The following NACC2 variants were observed in gnomAD, a reference collection of about 807,000 sequenced individuals.
NACC2 encodes NACC family member 2, also known as nucleus accumbens-associated protein 2.
A neutral mutation model predicts 25.1 loss-of-function variants in NACC2; 8 were observed. The observed-to-expected ratio is 0.32, with a 90% CI of 0.19 to 0.57. NACC2 has a LOEUF of 0.57. Among genes scored for constraint, NACC2 ranks in the 20% least tolerant of loss-of-function variants. NACC2 has a pLI of 0.89. For synonymous variants in NACC2, 435 were observed against 294.7 expected (o/e 1.48, Z -4.88); for missense variants, 644 against 650.2 (o/e 0.99, Z 0.10).
intron 1 of NACC2, among the ~76,000 whole-genome samples, chr9:136,081,971 G>T (rs1405984376): frequency 6.6e-6 from 1 of 152,200 alleles, no homozygotes; most frequent in East Asian, 1.9e-4. Flanking sequence ...GATCAGGGTG[G>T]AGCTGACGCG....
rs374063401 is a variant in NACC2 at position 136,015,667 on chromosome 9, A to G, written c.1051+598T>C. ...AGGGCCCAAGCTTGGGGCTTCCTGG[A>G]AAACCGGGAAGAAATCCCCAGAAAA... is the stretch of plus-strand genomic sequence containing the variant. On this transcript the variant is annotated intron_variant, in intron 3 of 5. Coordinates refer to ENST00000277554, the MANE Select transcript of NACC2 (RefSeq NM_144653.5). Among the ~76,000 whole-genome samples the G allele has an allele frequency of 3.8e-3, 580 of 152,352 alleles. 9 individuals carry two copies. The highest frequency in any genetic ancestry group is 0.024 in the Middle Eastern group (7 of 294).
chr9:136,092,306 G>A (rs1830441487), intron 1 of NACC2, among the ~76,000 whole-genome samples: 1 of 151,456 alleles, frequency 6.6e-6, no homozygotes, highest in Non-Finnish European at 1.5e-5. Flanking sequence ...ACCGGAGATG[G>A]GGTGAGAGGC....
At position 136,020,058 on chromosome 9, in the gene NACC2, G is replaced by A. The variant is rs554145554; in HGVS notation, c.887-3629C>T. 2.0e-5 allele frequency among the ~76,000 whole-genome samples: 3 copies of A among 152,176 alleles called. No homozygotes were observed. The highest frequency in any genetic ancestry group is 4.1e-4 in the South Asian group (2 of 4,834). On this transcript the variant is annotated intron_variant, in intron 2 of 5. Transcript: ENST00000277554. The surrounding 1 kb of genome is among the most constrained non-coding windows in gnomAD (Gnocchi z 4.7). ...GAGGTTCATCTGGGGAAGATGGGAA[G>A]TTCTGGAGCCGATGGCAGTGATGCT... is the stretch of plus-strand genomic sequence containing the variant.
intron 1 of NACC2, among the ~76,000 whole-genome samples, chr9:136,056,545 G>A (rs891829416): frequency 2.2e-4 from 34 of 152,316 alleles, no homozygotes; most frequent in African/African-American, 7.7e-4. Flanking sequence ...AACAGACCCC[G>A]GGTAGCTACG....
At position 136,013,374 on chromosome 9, in the gene NACC2, C is replaced by A; in HGVS notation, c.1158-78G>T. The A allele has an allele frequency of 7.3e-7, 1 of 1,363,134 alleles. No individual in the cohort carries two copies. The highest frequency in any genetic ancestry group is 1.3e-5 in the South Asian group (1 of 79,598). The allele number at this position is 1,363,134 out of a possible 1,614,324, so 84.4% of individuals were successfully genotyped here. Reference sequence around the variant, plus strand: ...TGGAGGCGACCCGCCCGCACGAATGCCCTGCTGGGAGGCCACTTGGCCTCA... The same window carrying A: ...TGGAGGCGACCCGCCCGCACGAATGACCTGCTGGGAGGCCACTTGGCCTCA... On this transcript the variant is annotated intron_variant, in intron 4 of 5. Coordinates refer to ENST00000277554, the MANE Select transcript of NACC2 (RefSeq NM_144653.5). This position sits in a 1 kb window ranked among gnomAD's most constrained non-coding sequence, Gnocchi z 6.6.
intron 1 of NACC2, among the ~76,000 whole-genome samples, chr9:136,080,270 T>C (rs1293085320): frequency 6.6e-6 from 1 of 152,174 alleles, no homozygotes; most frequent in Non-Finnish European, 1.5e-5. Context: ...CACCCATCTC[T>C]GTGCTCTCCT....
chr9:136,046,547 C>G (rs1222779326), intron 2 of NACC2, among the ~76,000 whole-genome samples: 17 of 152,174 alleles, frequency 1.1e-4, no homozygotes, highest in African/African-American at 3.9e-4. Flanking sequence ...CTGAGCGTCC[C>G]GAGCCAGCGT....
intron 1 of NACC2, among the ~76,000 whole-genome samples, chr9:136,067,115 G>A (rs554284412): frequency 3.3e-5 from 5 of 152,196 alleles, no homozygotes; most frequent in South Asian, 2.1e-4. Context: ...TTAGCCAGGC[G>A]TGGTGGTTCA....
At chr9:136,045,923 C>T (rs1248997745) in intron 2 of NACC2, among the ~76,000 whole-genome samples, 1 of 152,154 alleles carries the variant, frequency 6.6e-6, no homozygotes, top group Non-Finnish European at 1.5e-5. Context: ...GCGCTGCCCA[C>T]CCGGCCGGCT....
intron 1 of NACC2, among the ~76,000 whole-genome samples, chr9:136,069,953 C>T (rs954026239): frequency 5.3e-5 from 8 of 151,902 alleles, no homozygotes; most frequent in Non-Finnish European, 1.2e-4. Flanking sequence ...TCAGCAGGAT[C>T]TAACTGACAT....
chr9:136,074,076 C>G (rs1830229124), intron 1 of NACC2, among the ~76,000 whole-genome samples: 1 of 151,556 alleles, frequency 6.6e-6, no homozygotes, highest in African/African-American at 2.4e-5. Context: ...GAGGCTGAAG[C>G]AGAAGGATCA....
intron 2 of NACC2, among the ~76,000 whole-genome samples, chr9:136,045,827 T>C (rs1431857401): frequency 6.6e-6 from 1 of 152,142 alleles, no homozygotes; most frequent in Non-Finnish European, 1.5e-5. Flanking sequence ...TGCAGGGACC[T>C]GTGGATCCAG....
At chr9:136,080,370 C>T (rs1042406924) in intron 1 of NACC2, among the ~76,000 whole-genome samples, 1 of 152,204 alleles carries the variant, frequency 6.6e-6, no homozygotes, top group East Asian at 1.9e-4. Flanking sequence ...GAAAATCCGC[C>T]CAGCAGCCCA....
chr9:136,074,289 T>C (rs1830232414), intron 1 of NACC2, among the ~76,000 whole-genome samples: 1 of 145,826 alleles, frequency 6.9e-6, no homozygotes, highest in Admixed American at 6.9e-5. Flanking sequence ...TCTCTACTAA[T>C]AAAATACAAA....
At position 136,026,168 on chromosome 9, in the gene NACC2, C is replaced by T. The variant is rs555391715; in HGVS notation, c.887-9739G>A. Among the ~76,000 whole-genome samples, 7 of 151,364 alleles carry T rather than the reference C, an allele frequency of 4.6e-5. No individual in the cohort carries two copies. In the East Asian group the frequency reaches 5.8e-4, roughly 13 times the overall value. On this transcript the variant is annotated intron_variant, in intron 2 of 5. Transcript: ENST00000277554. The stretch of plus-strand genomic sequence containing the variant: ...CAGCTTGGCTAACATGGCAAAACTC[C>T]GTCTCTACTAAAAATACAAAAAATT...
intron 1 of NACC2, among the ~76,000 whole-genome samples, chr9:136,062,114 A>AGACAGGACAGGACAGGGCGAGACAG (rs1841019389): frequency 1.4e-5 from 2 of 142,450 alleles, no homozygotes; most frequent in African/African-American, 5.4e-5. Flanking sequence ...CAACAGAGCG[A>AGACAGGACAGGACAGGGCGAGACAG]GACAGGACAG....
chr9:136,092,998 G>A (rs1830448416), intron 1 of NACC2, among the ~76,000 whole-genome samples: 3 of 152,192 alleles, frequency 2.0e-5, no homozygotes, highest in African/African-American at 7.2e-5. Context: ...AGGAACATGG[G>A]CTCTGCCCCA....
In NACC2 at chr9:136,023,067, AGAGGGAGGGAG is replaced by A. The variant is rs1479574633; in HGVS notation, c.887-6649_887-6639del. ...GAGGGAAGGAGGGAGGAAGGAGGGA[AGAGGGAGGGAG>A]GAGGGAGGGAAGGAGGGAAGAGGGA... On this transcript the variant is annotated intron_variant, in intron 2 of 5. Coordinates refer to ENST00000277554, the MANE Select transcript of NACC2 (RefSeq NM_144653.5). Among the ~76,000 whole-genome samples, 4 of 1,624 alleles carry A rather than the reference AGAGGGAGGGAG, an allele frequency of 2.5e-3. No individual in the cohort carries two copies. In the Admixed American group the frequency reaches 0.032, roughly 13 times the overall value. 1.1% of individuals were successfully genotyped at this position (1,624 alleles called of 152,430 possible). A position where few individuals can be genotyped will look rare whatever the true frequency, so the allele number is the denominator to read the frequency against.
rs758564791 is a variant in NACC2 at position 136,011,800 on chromosome 9, G to A, written c.1480C>T (p.Arg494Cys). The change falls in exon 6 of 6, where the codon CGC becomes TGC. Residue 494 changes from arginine (R) to cysteine (C), a missense_variant. Coordinates refer to ENST00000277554, the MANE Select transcript of NACC2 (RefSeq NM_144653.5). ...TCGCCCCGCCGCTCGGCGTAGATGCGTTGCTCGAACACCTGTGCCGCGGCA... is the reference window on the plus strand; with the variant it reads ...TCGCCCCGCCGCTCGGCGTAGATGCATTGCTCGAACACCTGTGCCGCGGCA... ...PPAAAQVFEQ[R>C]IYAERRGDAA... 13 of 1,579,568 alleles carry A rather than the reference G, an allele frequency of 8.2e-6. No homozygotes were observed. The highest frequency in any genetic ancestry group is 4.6e-5 in the East Asian group (2 of 43,126).
Sources: gnomAD v4.1 joint callset for allele counts (sites outside exome capture counted in the v4.1 genomes callset) on GRCh38, gnomAD v4.1.1 for gene constraint, Gnocchi (gnomAD v3.1) non-coding constraint, MANE v1.5 for transcripts, NCBI Gene and HGNC (gene_info 2026-07-23, HGNC 2026-07-21) for gene names.